C17orf67: variants seen among roughly 807,000 people sequenced by gnomAD.
C17orf67 encodes uncharacterized protein C17orf67.
C17orf67 carries 12 observed loss-of-function variants against 11.2 expected under a neutral mutation model. The observed-to-expected ratio is 1.07, with a 90% CI of 0.68 to 1.73. C17orf67 has a LOEUF of 1.73. C17orf67 is among the 40% of genes most tolerant of loss of function. The pLI, the probability that C17orf67 is intolerant of heterozygous loss-of-function variation, is 0.00. For missense variants in C17orf67, 115 were observed against 113.5 expected, an observed-to-expected ratio of 1.01 and a Z score of -0.06; for synonymous variants, 59 against 46.9, an observed-to-expected ratio of 1.26 and a Z score of -1.05.
At chr17:56,818,072 G>A (rs1905803290) in intron 4 of C17orf67, among the ~76,000 whole-genome samples, 1 of 151,082 alleles carries the variant, frequency 6.6e-6, no homozygotes, top group African/African-American at 2.4e-5. Flanking sequence ...TCAAACTCTT[G>A]AGCTCAAGCA....
intron 7 of C17orf67, among the ~76,000 whole-genome samples, chr17:56,792,745 T>A (rs989717671): frequency 3.3e-5 from 1 of 29,890 alleles, no homozygotes; most frequent in Non-Finnish European, 6.5e-5. Context: ...GTGGTGGTGG[T>A]GGTGGTGGTG....
intron 6 of C17orf67, among the ~76,000 whole-genome samples, chr17:56,812,587 G>A (rs1212536562): frequency 6.6e-6 from 1 of 152,164 alleles, no homozygotes; most frequent in Non-Finnish European, 1.5e-5. Context: ...AGAGGGACAT[G>A]GAGGATGGGA....
At chr17:56,827,735 C>G (rs1243055436) in intron 2 of C17orf67, among the ~76,000 whole-genome samples, 1 of 152,220 alleles carries the variant, frequency 6.6e-6, no homozygotes, top group Non-Finnish European at 1.5e-5. Context: ...AAGTCACTTT[C>G]CACAGCCTCC....
intron 6 of C17orf67, among the ~76,000 whole-genome samples, chr17:56,801,537 C>T (rs566328569): frequency 1.2e-4 from 18 of 151,788 alleles, no homozygotes; most frequent in Non-Finnish European, 2.2e-4. Flanking sequence ...TTTTCTTTCC[C>T]CCAAGACCCA....
At chr17:56,795,364 C>A (rs1265945600) in intron 6 of C17orf67, 184 bp from the exon 7 acceptor site, 1 of 587,392 alleles carries the variant, frequency 1.7e-6, no homozygotes. Context: ...ACCCAGTGGG[C>A]AAAATAAAGA....
chr17:56,795,307 C>A, intron 6 of C17orf67, 127 bp from the exon 7 acceptor site: 1 of 777,430 alleles, frequency 1.3e-6, no homozygotes. Context: ...AAGAAATCAA[C>A]GGCCACACCC....
Position 56,814,972 on chromosome 17 carries a change from G to A in C17orf67, c.56-3C>T. ...CTCTGTCAAAATCGGGGAGGTCTCT[G>A]GAAAAGTCGGGAAGGTGCCTTAAGG... is the stretch of plus-strand genomic sequence containing the variant. On this transcript the variant is annotated splice_polypyrimidine_tract_variant and splice_region_variant and intron_variant, in intron 5 of 7. Transcript: ENST00000397861. 6 of 1,613,310 alleles carry A rather than the reference G, an allele frequency of 3.7e-6. No homozygotes were observed. Among genetic ancestry groups the A allele is most frequent in the Middle Eastern group, 1.7e-4 (1 of 6,060 alleles).
chr17:56,797,325 G>C (rs1054690690), intron 6 of C17orf67, among the ~76,000 whole-genome samples: 1 of 152,082 alleles, frequency 6.6e-6, no homozygotes, highest in Non-Finnish European at 1.5e-5. Flanking sequence ...ATTAGGCCTG[G>C]GGCCAGGTGG....
At chr17:56,796,392 C>T (rs988318108) in intron 6 of C17orf67, among the ~76,000 whole-genome samples, 1 of 152,176 alleles carries the variant, frequency 6.6e-6, no homozygotes, top group Non-Finnish European at 1.5e-5. Flanking sequence ...ATCCCTGCTA[C>T]AACATGGATG....
rs1906348178 is a variant in C17orf67, at chr17:56,833,833, GC to G, written c.-1218del. On this transcript the variant is annotated 5_prime_UTR_variant, in exon 1 of 8. It removes the in-frame stop codon of an upstream open reading frame in the 5' UTR. Transcript: ENST00000397861. ...CTGCGAGGAGGATCCTCGTGGCCTT[GC>G]CCCGCCGGCGGCTTTCCAGAATTTT... 1 of 151,802 alleles carries G rather than the reference GC, an allele frequency of 6.6e-6. No individual in the cohort carries two copies. The allele number at this position is 151,802 out of a possible 1,614,324, so 9.4% of individuals were successfully genotyped here.
chr17:56,797,445 G>C (rs1464357356), intron 6 of C17orf67, among the ~76,000 whole-genome samples: 1 of 152,046 alleles, frequency 6.6e-6, no homozygotes, highest in Non-Finnish European at 1.5e-5. Flanking sequence ...ATCCTGCAGG[G>C]CCCAATCAGA....
chr17:56,809,545 C>CACACACCCTCACACAT lies in C17orf67; in HGVS notation c.156+5308_156+5323dup, dbSNP rs1905539096. Among the ~76,000 whole-genome samples, 6 of 148,088 alleles carry CACACACCCTCACACAT rather than the reference C, an allele frequency of 4.1e-5. No individual in the cohort carries two copies. In the South Asian group the frequency reaches 1.3e-3, roughly 32 times the overall value. ...CATACACCCTCACGTACACCCCTCA[C>CACACACCCTCACACAT]ACACACCCTCACACATACACAGCCT... On this transcript the variant is annotated intron_variant, in intron 6 of 7. Transcript: ENST00000397861.
intron 6 of C17orf67, among the ~76,000 whole-genome samples, chr17:56,807,302 T>C (rs979864658): frequency 1.3e-4 from 20 of 151,412 alleles, no homozygotes; most frequent in African/African-American, 4.9e-4. Flanking sequence ...GGAAGAGAGA[T>C]CAATTGTGTC....
chr17:56,819,773 A>C (rs892305336), intron 4 of C17orf67, among the ~76,000 whole-genome samples: 2 of 152,228 alleles, frequency 1.3e-5, no homozygotes, highest in Non-Finnish European at 2.9e-5. Flanking sequence ...GGTTCTCAGG[A>C]AAAGCCCCAG....
chr17:56,798,053 G>A (rs1905245410), intron 6 of C17orf67, among the ~76,000 whole-genome samples: 1 of 152,064 alleles, frequency 6.6e-6, no homozygotes, highest in South Asian at 2.1e-4. Context: ...ACTGAAGGTG[G>A]TTCATCATAT....
intron 6 of C17orf67, chr17:56,804,010 C>G (rs1262126244): frequency 6.6e-6 from 1 of 152,186 alleles, no homozygotes. Context: ...TAAGGATAAT[C>G]TCAAATGTTC....
intron 6 of C17orf67, among the ~76,000 whole-genome samples, chr17:56,809,231 C>T (rs927546798): frequency 6.6e-6 from 1 of 151,826 alleles, no homozygotes; most frequent in Non-Finnish European, 1.5e-5. Context: ...GTGTCCTGAA[C>T]CTCTAAAGGG....
chr17:56,822,664 G>A (rs1905933191), intron 4 of C17orf67, among the ~76,000 whole-genome samples: 2 of 152,194 alleles, frequency 1.3e-5, no homozygotes, highest in Non-Finnish European at 2.9e-5. Flanking sequence ...TGTTTTGAAT[G>A]ACTAAAGATA....
At chr17:56,814,032 C>A (rs529314111) in intron 6 of C17orf67, among the ~76,000 whole-genome samples, 1 of 152,246 alleles carries the variant, frequency 6.6e-6, no homozygotes, top group Non-Finnish European at 1.5e-5. Flanking sequence ...ATGAAATAAT[C>A]TAATTATGCA....
Sources: allele counts gnomAD v4.1 joint callset (sites outside exome capture counted in the v4.1 genomes callset), GRCh38; gene constraint gnomAD v4.1.1; transcripts MANE v1.5; gene names NCBI Gene and HGNC (gene_info 2026-07-23, HGNC 2026-07-21).